DLAT: variants seen among roughly 807,000 people sequenced by gnomAD.
DLAT encodes the protein dihydrolipoyllysine-residue acetyltransferase component of pyruvate dehydrogenase complex, mitochondrial.
In DLAT, 43 loss-of-function variants were observed where a neutral mutation model predicts 68.0. The observed-to-expected ratio is 0.63, with a 90% confidence interval of 0.50 to 0.81. The LOEUF is 0.81. Ranked by LOEUF, DLAT falls within the 40% of genes least tolerant of loss-of-function variation. DLAT has a pLI of 0.00. For missense variants in DLAT, 745 were observed against 815.4 expected (o/e 0.91, Z 1.05); for synonymous variants, 265 against 288.6 (o/e 0.92, Z 0.83).
At position 112,056,874 on chromosome 11, in the gene DLAT, G is replaced by C. The variant is rs1158830524; in HGVS notation, c.1515-3029G>C. Among the ~76,000 whole-genome samples, 31 of 152,160 alleles carry C rather than the reference G, an allele frequency of 2.0e-4. 1 individual carries two copies. The highest frequency in any genetic ancestry group is 2.9e-5 in the Non-Finnish European group (2 of 68,038). ...TGTGAAGTGAGAACCATCTACTTGT[G>C]AGAGTATCTCGCTTTATTGCACTTT... On this transcript the variant is annotated intron_variant, in intron 11 of 13. Coordinates refer to ENST00000280346, the MANE Select transcript of DLAT (RefSeq NM_001931.5).
chr11:112,062,785 G>A lies in DLAT; in HGVS notation c.*250G>A. On this transcript the variant is annotated 3_prime_UTR_variant, in exon 14 of 14. Coordinates refer to ENST00000280346, the MANE Select transcript of DLAT (RefSeq NM_001931.5). ...ACTCCTAATTAAGGGACATGTATGT[G>A]GCCTTGCCTAGCCCTTTGGTGATAA... 1 of 451,150 alleles carries A rather than the reference G, an allele frequency of 2.2e-6. No individual in the cohort carries two copies. 27.9% of individuals were successfully genotyped at this position (451,150 alleles called of 1,614,324 possible). A position where few individuals can be genotyped will look rare whatever the true frequency, so the allele number is the denominator to read the frequency against.
chr11:112,037,759 A>G (rs1273985578), intron 6 of DLAT, among the ~76,000 whole-genome samples: 1 of 143,912 alleles, frequency 6.9e-6, no homozygotes, highest in African/African-American at 2.6e-5. Flanking sequence ...TGTGGAAAGT[A>G]AGGCTTCATT....
At chr11:112,046,098 C>T (rs587755511) in intron 10 of DLAT, 128 bp downstream of exon 10, 166 of 629,068 alleles carry the variant, frequency 2.6e-4, no homozygotes, top group Admixed American at 1.9e-3. Flanking sequence ...TGATCTTGTC[C>T]TTTGAAGCAC....
intron 2 of DLAT, among the ~76,000 whole-genome samples, chr11:112,027,914 GGGGAGAGGGAGAGGGAGACGGAGA>G (rs1335723539): frequency 6.7e-6 from 1 of 150,334 alleles, no homozygotes; most frequent in Non-Finnish European, 1.5e-5. Context: ...GGGAGACCGT[GGGGAGAGGGAGAGGGAGACGGAGA>G]GGGAGAGGGA....
intron 12 of DLAT, 25 bp from the exon 13 acceptor site, chr11:112,061,006 CTATAATT>C (rs1166657385): frequency 2.0e-6 from 3 of 1,531,566 alleles, no homozygotes; most frequent in African/African-American, 1.4e-5. Context: ...TGTTGACAAA[CTATAATT>C]TATTTTTAAT....
chr11:112,027,504 C>T (rs1316338097), intron 2 of DLAT, among the ~76,000 whole-genome samples: 6 of 151,676 alleles, frequency 4.0e-5, no homozygotes, highest in South Asian at 2.1e-4. Flanking sequence ...GGGTGGCAGC[C>T]GGGCAGAGGC....
chr11:112,055,637 C>G (rs587701394), intron 11 of DLAT, among the ~76,000 whole-genome samples: 1 of 152,128 alleles, frequency 6.6e-6, no homozygotes, highest in African/African-American at 2.4e-5. Flanking sequence ...TCAGTTCTCT[C>G]CTTCTAGGAT....
At chr11:112,045,093 A>T in intron 8 of DLAT, 45 bp from the exon 9 acceptor site, 2 of 1,471,978 alleles carry the variant, frequency 1.4e-6, no homozygotes, top group Non-Finnish European at 1.9e-6. Flanking sequence ...TACTTACGCT[A>T]AGATTGAATC....
intron 4 of DLAT, 58 bp from the exon 5 acceptor site, chr11:112,033,346 C>T (rs1862517305): frequency 3.8e-6 from 6 of 1,597,590 alleles, no homozygotes; most frequent in Non-Finnish European, 5.1e-6. Context: ...GTCTGCCAGA[C>T]TTTTATTATG....
Position 112,026,304 on chromosome 11 carries a change from GTTTTTT to G in DLAT, c.381+17_381+22del. 1 of 1,038,550 alleles carries G rather than the reference GTTTTTT, an allele frequency of 9.6e-7. No individual in the cohort carries two copies. Among genetic ancestry groups the G allele is most frequent in the Non-Finnish European group, 1.3e-6 (1 of 771,476 alleles). 64.3% of individuals were successfully genotyped at this position (1,038,550 alleles called of 1,614,324 possible). On this transcript the variant is annotated splice_donor_region_variant and intron_variant, in intron 2 of 13. Coordinates refer to ENST00000280346, the MANE Select transcript of DLAT (RefSeq NM_001931.5). The stretch of plus-strand genomic sequence containing the variant: ...GAAGGTGACCTAATTGCAGAGGTAA[GTTTTTT>G]TTTTTTTTTTTAATTAATTTATTTA...
intron 11 of DLAT, among the ~76,000 whole-genome samples, chr11:112,055,207 A>T (rs1372188388): frequency 6.7e-6 from 1 of 149,178 alleles, no homozygotes; most frequent in Non-Finnish European, 1.5e-5. Flanking sequence ...TAAGGCATTG[A>T]CAGTCTTCCG....
In DLAT at chr11:112,052,271, A is replaced by G. The variant is rs587718221; in HGVS notation, c.1514+922A>G. 1.1e-4 allele frequency among the ~76,000 whole-genome samples: 17 copies of G among 152,196 alleles called. No individual in the cohort carries two copies. In the South Asian group the frequency reaches 3.5e-3, roughly 32 times the overall value. On this transcript the variant is annotated intron_variant, in intron 11 of 13. Coordinates refer to ENST00000280346, the MANE Select transcript of DLAT (RefSeq NM_001931.5). Reference sequence around the variant, plus strand: ...CAACCAAACAATTAATTCTGCAGTGATTTCCTCTAATTCAATTCAATTCAA... The same window carrying G: ...CAACCAAACAATTAATTCTGCAGTGGTTTCCTCTAATTCAATTCAATTCAA...
chr11:112,048,993 T>G (rs1863472282), intron 10 of DLAT, among the ~76,000 whole-genome samples: 1 of 147,546 alleles, frequency 6.8e-6, no homozygotes, highest in Non-Finnish European at 1.5e-5. Flanking sequence ...TTTTTTTTTT[T>G]TTTAAAGACA....
At position 112,064,242 on chromosome 11, in the gene DLAT, G is replaced by C. The variant is rs377392036; in HGVS notation, c.*1707G>C. 1.1e-4 allele frequency: 163 copies of C among 1,544,680 alleles called. 3 individuals are homozygous for C. The African/African-American group carries it at 2.0e-3, about 19-fold the overall frequency. ...GTTCCCTTGAAAAAAAATAAAAACA[G>C]TTGCCTTCTAATAAACATTGTTGAG... On this transcript the variant is annotated 3_prime_UTR_variant, in exon 14 of 14. Transcript: ENST00000280346.
intron 13 of DLAT, 31 bp from the exon 14 acceptor site, chr11:112,062,375 G>A (rs782431313): frequency 6.2e-7 from 1 of 1,611,512 alleles, no homozygotes; most frequent in Non-Finnish European, 8.5e-7. Flanking sequence ...TTTTCTTTCA[G>A]AATATCTAAA....
Position 112,064,280 on chromosome 11 carries a change from C to T in DLAT, c.*1745C>T. On this transcript the variant is annotated 3_prime_UTR_variant, in exon 14 of 14. Coordinates refer to ENST00000280346, the MANE Select transcript of DLAT (RefSeq NM_001931.5). ...AAACATTGTTGAGTTAAAAATTAAT[C>T]TGAGCTATAATCTAAATCGATTCAG... The T allele has an allele frequency of 7.1e-7, 1 of 1,412,124 alleles. No individual in the cohort carries two copies. The highest frequency in any genetic ancestry group is 9.5e-7 in the Non-Finnish European group (1 of 1,049,276). The allele number at this position is 1,412,124 out of a possible 1,614,324, so 87.5% of individuals were successfully genotyped here. A position where few individuals can be genotyped will look rare whatever the true frequency, so the allele number is the denominator to read the frequency against.
Position 112,025,681 on chromosome 11 carries a change from G to A in DLAT, c.209G>A (p.Arg70Gln). The change falls in exon 1 of 14, where the codon CGG (arginine) becomes CAG (glutamine). Residue 70 changes from arginine to glutamine, a missense_variant. Transcript: ENST00000280346. ...ACCCCCAGTTCTGGGGCCACGCCGC[G>A]GAACCGCTTACTGCTGCAGCTTTTG... is the stretch of plus-strand genomic sequence containing the variant. ...GWTPSSGATP[R>Q]NRLLLQLLGS... 1.9e-6 allele frequency: 3 copies of A among 1,613,110 alleles called. No individual in the cohort carries two copies. The highest frequency in any genetic ancestry group is 1.1e-5 in the South Asian group (1 of 91,068).
Position 112,064,379 on chromosome 11 carries a change from A to G in DLAT, c.*1844A>G. The G allele has an allele frequency of 3.3e-6, 2 of 598,648 alleles. No homozygotes were observed. The highest frequency in any genetic ancestry group is 2.8e-5 in the South Asian group (1 of 35,558). 37.1% of individuals were successfully genotyped at this position (598,648 alleles called of 1,614,324 possible). A position where few individuals can be genotyped will look rare whatever the true frequency, so the allele number is the denominator to read the frequency against. On this transcript the variant is annotated 3_prime_UTR_variant, in exon 14 of 14. Coordinates refer to ENST00000280346, the MANE Select transcript of DLAT (RefSeq NM_001931.5). ...CATATGATTATTTAAAAATTAAAGT[A>G]TAAATCTTCAATATGTCTGGTTTAA... is the stretch of plus-strand genomic sequence containing the variant.
chr11:112,038,536 G>A (rs1250020528), intron 6 of DLAT, among the ~76,000 whole-genome samples: 18 of 151,084 alleles, frequency 1.2e-4, no homozygotes, highest in Non-Finnish European at 4.4e-5. Context: ...GGGCCTTACA[G>A]CATAATTTTA....
Sources: allele counts gnomAD v4.1 joint callset (sites outside exome capture counted in the v4.1 genomes callset), GRCh38; gene constraint gnomAD v4.1.1; transcripts MANE v1.5; gene names NCBI Gene and HGNC (gene_info 2026-07-23, HGNC 2026-07-21).